KCNG3: variants seen among roughly 807,000 people sequenced by gnomAD.
KCNG3 encodes potassium voltage-gated channel modifier subfamily G member 3, also known as voltage-gated potassium channel regulatory subunit KCNG3.
A neutral mutation model predicts 29.0 loss-of-function variants in KCNG3; 15 were observed. The observed-to-expected ratio is 0.52, with a 90% CI of 0.35 to 0.80. The LOEUF is 0.80. Among genes scored for constraint, KCNG3 ranks in the 30% least tolerant of loss-of-function variants. The pLI is 0.01. For synonymous variants in KCNG3, 322 were observed against 248.9 expected (o/e 1.29, Z -2.76); for missense variants, 512 against 605.7 (o/e 0.85, Z 1.62).
intron 1 of KCNG3, among the ~76,000 whole-genome samples, chr2:42,475,787 C>G (rs1673409537): frequency 6.6e-6 from 1 of 152,038 alleles, no homozygotes; most frequent in African/African-American, 2.4e-5. Context: ...AAAATCGGGC[C>G]AAGCACAGTG....
At chr2:42,491,799 C>T (rs1197418901) in intron 1 of KCNG3, among the ~76,000 whole-genome samples, 1 of 152,184 alleles carries the variant, frequency 6.6e-6, no homozygotes, top group Non-Finnish European at 1.5e-5. Flanking sequence ...GCAAGGCCGC[C>T]GTTCCGAACA....
chr2:42,474,754 C>G (rs890005783), intron 1 of KCNG3, among the ~76,000 whole-genome samples: 2 of 152,040 alleles, frequency 1.3e-5, no homozygotes, highest in African/African-American at 4.8e-5. Context: ...GTTTTATGCA[C>G]TACATTGTAA....
chr2:42,408,136 G>T, the KCNG3 span, among the ~76,000 whole-genome samples: 7 of 152,234 alleles, frequency 4.6e-5, no homozygotes, highest in African/African-American at 1.7e-4. Flanking sequence ...GGGAAGCCAA[G>T]TGGGGGCTGA....
At chr2:42,390,865 C>T in the KCNG3 span, among the ~76,000 whole-genome samples, 1 of 152,184 alleles carries the variant, frequency 6.6e-6, no homozygotes, top group Admixed American at 6.5e-5. Context: ...TTCATTTCCC[C>T]TCATTTTCTC....
the KCNG3 span, among the ~76,000 whole-genome samples, chr2:42,390,100 T>A: frequency 6.6e-6 from 1 of 152,122 alleles, no homozygotes; most frequent in Non-Finnish European, 1.5e-5. Flanking sequence ...TCCTACTGCA[T>A]CTCCCATGTG....
At chr2:42,407,343 T>A in the KCNG3 span, among the ~76,000 whole-genome samples, 1 of 152,118 alleles carries the variant, frequency 6.6e-6, no homozygotes, top group African/African-American at 2.4e-5. Flanking sequence ...ACCCAGCTAA[T>A]ATTTTTAGAG....
At position 42,473,540 on chromosome 2, in the gene KCNG3, T is replaced by C. The variant is rs549190403; in HGVS notation, c.665+19297A>G. 7.7e-4 allele frequency among the ~76,000 whole-genome samples: 117 copies of C among 151,648 alleles called. 1 individual carries two copies. Among genetic ancestry groups the C allele is most frequent in the African/African-American group, 2.6e-3 (109 of 41,400 alleles). ...AATTTTTGTATTTTTAGTAGAGATA[T>C]GTTTTCACCATGTTGGCCAGGCTGG... is the stretch of plus-strand genomic sequence containing the variant. On this transcript the variant is annotated intron_variant, in intron 1 of 1. Coordinates refer to ENST00000306078, the MANE Select transcript of KCNG3 (RefSeq NM_133329.6).
At chr2:42,425,377 C>T in the KCNG3 span, among the ~76,000 whole-genome samples, 4 of 137,026 alleles carry the variant, frequency 2.9e-5, no homozygotes, top group Non-Finnish European at 6.1e-5. Context: ...CCAGCCTGGG[C>T]GACAGAGCAA....
chr2:42,429,510 C>T, the KCNG3 span, among the ~76,000 whole-genome samples: 4 of 152,300 alleles, frequency 2.6e-5, no homozygotes, highest in Middle Eastern at 3.4e-3. Flanking sequence ...TCAATCACTG[C>T]GACATCTAAG....
chr2:42,473,355 T>G (rs911347220), intron 1 of KCNG3, among the ~76,000 whole-genome samples: 2 of 151,396 alleles, frequency 1.3e-5, no homozygotes, highest in Non-Finnish European at 3.0e-5. Context: ...TTCTTTTTTT[T>G]TTGTTTGTTT....
chr2:42,407,745 C>G, the KCNG3 span, among the ~76,000 whole-genome samples: 1 of 152,202 alleles, frequency 6.6e-6, no homozygotes, highest in African/African-American at 2.4e-5. Context: ...AGCTTCAGAC[C>G]CGGGCCTCCC....
intron 1 of KCNG3, among the ~76,000 whole-genome samples, chr2:42,471,182 G>A (rs867390103): frequency 0.039 from 5,803 of 147,170 alleles, 163 homozygotes; most frequent in South Asian, 0.15. Flanking sequence ...GTGTGTGTGT[G>A]TGTATATATA....
In KCNG3 at chr2:42,472,560, C is replaced by G. The variant is rs563618199; in HGVS notation, c.665+20277G>C. ...TGTTACCCAGGCTGGAGTGCACTGG[C>G]ACGATCTCGGCTCACTGCAACCTCT... On this transcript the variant is annotated intron_variant, in intron 1 of 1. Coordinates refer to ENST00000306078, the MANE Select transcript of KCNG3 (RefSeq NM_133329.6). Among the ~76,000 whole-genome samples, 193 of 151,470 alleles carry G rather than the reference C, an allele frequency of 1.3e-3. 1 individual carries two copies. Among genetic ancestry groups the G allele is most frequent in the African/African-American group, 4.6e-3 (188 of 41,254 alleles).
chr2:42,392,947 G>A, the KCNG3 span, among the ~76,000 whole-genome samples: 5 of 152,094 alleles, frequency 3.3e-5, no homozygotes, highest in Non-Finnish European at 7.3e-5. Context: ...TTTCACAGCC[G>A]TATCAGTTAG....
At chr2:42,406,234 T>G in the KCNG3 span, among the ~76,000 whole-genome samples, 21 of 152,036 alleles carry the variant, frequency 1.4e-4, no homozygotes, top group Non-Finnish European at 1.5e-5. Context: ...ATTTTTTTTT[T>G]TTAAGATGGA....
rs777019878 is a variant in KCNG3, at chr2:42,492,873, C to T, written c.629G>A (p.Ser210Asn). Residue 210 changes from serine to asparagine, a missense_variant, in exon 1 of 2, where the codon AGC becomes AAC. Around this residue, in one of 5 missense-constraint regions of KCNG3, gnomAD observed 228 missense variants for 200.0 expected, o/e 1.14. Transcript: ENST00000306078. ...CCTCCCAGGGCCGGCGGAGTACCTGCTCCGGTCATCCAGGCTGCGGTTGTC... is the reference window on the plus strand; with the variant it reads ...CCTCCCAGGGCCGGCGGAGTACCTGTTCCGGTCATCCAGGCTGCGGTTGTC... ...AADNRSLDDR[S>N]RYSAGPGREP... 3.3e-6 allele frequency: 5 copies of T among 1,532,744 alleles called. No individual in the cohort carries two copies. The highest frequency in any genetic ancestry group is 1.3e-5 in the South Asian group (1 of 78,354). The allele number at this position is 1,532,744 out of a possible 1,614,324, so 94.9% of individuals were successfully genotyped here.
intron 1 of KCNG3, among the ~76,000 whole-genome samples, chr2:42,464,422 G>C (rs1017435862): frequency 1.3e-5 from 2 of 152,068 alleles, no homozygotes; most frequent in Non-Finnish European, 2.9e-5. Flanking sequence ...AGACTATAAG[G>C]TCTTCCTGAA....
intron 1 of KCNG3, among the ~76,000 whole-genome samples, chr2:42,465,450 C>T (rs976111869): frequency 6.6e-6 from 1 of 152,042 alleles, no homozygotes; most frequent in Admixed American, 6.6e-5. Flanking sequence ...CTCCTGGGCT[C>T]AAGTGATCCA....
chr2:42,460,083 G>A (rs1322864209), intron 1 of KCNG3, among the ~76,000 whole-genome samples: 5 of 152,086 alleles, frequency 3.3e-5, no homozygotes, highest in African/African-American at 4.8e-5. Context: ...ACTATTTTAA[G>A]CCAGGCAAGG....
Sources: gnomAD v4.1 joint callset for allele counts (sites outside exome capture counted in the v4.1 genomes callset) on GRCh38, gnomAD v4.1.1 for gene constraint, gnomAD v4.1.1 regional missense constraint, MANE v1.5 for transcripts, NCBI Gene and HGNC (gene_info 2026-07-23, HGNC 2026-07-21) for gene names.